Variants in PITPNA observed in about 807,000 individuals in gnomAD.
PITPNA encodes phosphatidylinositol transfer protein alpha isoform.
In PITPNA, 13 loss-of-function variants were observed where a neutral mutation model predicts 50.3. That is an observed-to-expected ratio of 0.26 (90% CI 0.17 to 0.41). PITPNA has a LOEUF of 0.41. Ranked by LOEUF, PITPNA falls within the 10% of genes least tolerant of loss-of-function variation. The pLI is 1.00. For missense variants in PITPNA, 207 were observed against 333.4 expected (o/e 0.62, Z 2.95); for synonymous variants, 120 against 119.6 (o/e 1.00, Z -0.02).
chr17:1,557,952 C>T (rs186330044), intron 2 of PITPNA, among the ~76,000 whole-genome samples: 2 of 152,280 alleles, frequency 1.3e-5, no homozygotes, highest in East Asian at 1.9e-4. Context: ...CGTCCCCGGC[C>T]GGGTGTGGGG....
intron 2 of PITPNA, among the ~76,000 whole-genome samples, chr17:1,554,738 C>T (rs895279957): frequency 7.2e-5 from 11 of 152,034 alleles, no homozygotes; most frequent in African/African-American, 2.2e-4. Flanking sequence ...AAGCAGAGGA[C>T]GAGGACAATT....
chr17:1,534,264 G>A, intron 9 of PITPNA, 43 bp from the exon 10 acceptor site: 1 of 1,611,568 alleles, frequency 6.2e-7, no homozygotes, highest in Non-Finnish European at 8.5e-7. Context: ...GAAGGCAAAG[G>A]CTGCTGCCAC....
At chr17:1,536,535 C>T (rs2075618368) in intron 7 of PITPNA, among the ~76,000 whole-genome samples, 2 of 151,990 alleles carry the variant, frequency 1.3e-5, no homozygotes, top group African/African-American at 2.4e-5. Flanking sequence ...GTGATCCGCC[C>T]ACCTTGGCCT....
rs1299899228 is a variant in PITPNA, at chr17:1,541,785, G to C, written c.298-145C>G. The stretch of plus-strand genomic sequence containing the variant: ...CTTGTAATAACAGTTAACTTGACTG[G>C]GAGCCCACGACACACTAGGCATGTA... On this transcript the variant is annotated intron_variant, in intron 5 of 11. Transcript: ENST00000313486. 4.2e-6 allele frequency: 3 copies of C among 714,586 alleles called. No homozygotes were observed. The Admixed American group carries it at 6.0e-5, about 14-fold the overall frequency. The allele number at this position is 714,586 out of a possible 1,614,324, so 44.3% of individuals were successfully genotyped here. A position where few individuals can be genotyped will look rare whatever the true frequency, so the allele number is the denominator to read the frequency against.
chr17:1,545,460 G>C (rs1013145260), intron 4 of PITPNA, among the ~76,000 whole-genome samples: 8 of 152,206 alleles, frequency 5.3e-5, no homozygotes, highest in Non-Finnish European at 8.8e-5. Context: ...AAGAGCAAGT[G>C]TCTAACTAAA....
At chr17:1,555,945 C>G (rs967613574) in intron 2 of PITPNA, among the ~76,000 whole-genome samples, 1 of 152,210 alleles carries the variant, frequency 6.6e-6, no homozygotes, top group Non-Finnish European at 1.5e-5. Context: ...TGCAGGCCAT[C>G]GGAATGATTA....
Position 1,562,431 on chromosome 17 carries a change from C to T in PITPNA, c.20+110G>A. On this transcript the variant is annotated intron_variant, in intron 1 of 11. Coordinates refer to ENST00000313486, the MANE Select transcript of PITPNA (RefSeq NM_006224.4). This position sits in a 1 kb window ranked among gnomAD's most constrained non-coding sequence, Gnocchi z 6.4. ...GGGCCCGCCTCAGGCACCCTCCGTC[C>T]CTGCTGCCCCTCCGTCCATCCGGGC... The T allele has an allele frequency of 3.3e-6, 3 of 899,646 alleles. No individual in the cohort carries two copies. Among genetic ancestry groups the T allele is most frequent in the South Asian group, 2.2e-5 (1 of 46,322 alleles). The allele number at this position is 899,646 out of a possible 1,614,324, so 55.7% of individuals were successfully genotyped here. A position where few individuals can be genotyped will look rare whatever the true frequency, so the allele number is the denominator to read the frequency against.
At chr17:1,529,736 T>C (rs937717578) in intron 10 of PITPNA, among the ~76,000 whole-genome samples, 1 of 151,682 alleles carries the variant, frequency 6.6e-6, no homozygotes. Context: ...GCACCTGTAG[T>C]CCCAGCTACT....
At chr17:1,539,319 T>G (rs759995302) in intron 6 of PITPNA, among the ~76,000 whole-genome samples, 53 of 151,642 alleles carry the variant, frequency 3.5e-4, no homozygotes, top group Non-Finnish European at 7.1e-4. Flanking sequence ...TAGGCCCGAG[T>G]GATCCTCCTG....
chr17:1,518,848 C>G lies in PITPNA; in HGVS notation c.*1713G>C, dbSNP rs933012091. On this transcript the variant is annotated 3_prime_UTR_variant, in exon 12 of 12. Coordinates refer to ENST00000313486, the MANE Select transcript of PITPNA (RefSeq NM_006224.4). ...ACATTTTTCTCCAGTAGGAATGCCT[C>G]TTCTCCAACTTTCCAAGTCAGATAA... 2.0e-5 allele frequency: 3 copies of G among 152,252 alleles called. No individual in the cohort carries two copies. The highest frequency in any genetic ancestry group is 7.2e-5 in the African/African-American group (3 of 41,466). The allele number at this position is 152,252 out of a possible 1,614,324, so 9.4% of individuals were successfully genotyped here. A position where few individuals can be genotyped will look rare whatever the true frequency, so the allele number is the denominator to read the frequency against.
chr17:1,526,412 C>T (rs896258419), intron 10 of PITPNA, among the ~76,000 whole-genome samples: 8 of 152,220 alleles, frequency 5.3e-5, no homozygotes, highest in African/African-American at 1.4e-4. Context: ...AAGGAATAGT[C>T]TCTGGGCAAA....
At chr17:1,546,031 G>A (rs1445362289) in intron 4 of PITPNA, among the ~76,000 whole-genome samples, 4 of 148,894 alleles carry the variant, frequency 2.7e-5, no homozygotes, top group Middle Eastern at 3.5e-3. Flanking sequence ...AGGTTCAAGC[G>A]ATTCTCCTGC....
Position 1,558,630 on chromosome 17 carries a change from C to G in PITPNA, c.21-71G>C. On this transcript the variant is annotated intron_variant, in intron 1 of 11. Transcript: ENST00000313486. ...TGCTCAAGGCTCTTTAAAGCATCAT[C>G]CTAAAACAGTCAGCAGCATTCTATT... 5 of 1,060,802 alleles carry G rather than the reference C, an allele frequency of 4.7e-6. No individual in the cohort carries two copies. In the South Asian group the frequency reaches 6.6e-5, roughly 14 times the overall value. 65.7% of individuals were successfully genotyped at this position (1,060,802 alleles called of 1,614,324 possible). A position where few individuals can be genotyped will look rare whatever the true frequency, so the allele number is the denominator to read the frequency against.
intron 10 of PITPNA, among the ~76,000 whole-genome samples, chr17:1,521,998 A>G (rs895791527): frequency 6.6e-6 from 1 of 150,832 alleles, no homozygotes; most frequent in Non-Finnish European, 1.5e-5. Context: ...TGCTGGGATT[A>G]CAGCATAGGT....
intron 10 of PITPNA, among the ~76,000 whole-genome samples, chr17:1,525,504 C>CTTTTTTTTT (rs11329480): frequency 9.8e-6 from 1 of 101,718 alleles, no homozygotes; most frequent in Non-Finnish European, 1.9e-5. Flanking sequence ...CACTGGGAAA[C>CTTTTTTTTT]TTTTTTTTTT....
At position 1,553,119 on chromosome 17, in the gene PITPNA, C is replaced by T. The variant is rs1280340396; in HGVS notation, c.82G>A (p.Glu28Lys). The change falls in exon 3 of 12, where the codon GAG becomes AAG. Residue 28 changes from glutamate (E) to lysine (K), a missense_variant. Physicochemically the swap from Glu to Lys is moderately conservative, Grantham distance 56 (BLOSUM62 1). Transcript: ENST00000313486. ...CCACCCGTTTCATTTTTACTGGCCT[C>T]AGCCACAGAATACAGCTGCCCCACT... ...YQVGQLYSVAEASKNETGGGE... is the reference protein window; with the variant it reads ...YQVGQLYSVAKASKNETGGGE... The T allele has an allele frequency of 1.2e-6, 2 of 1,613,838 alleles. No individual in the cohort carries two copies. The highest frequency in any genetic ancestry group is 1.7e-6 in the Non-Finnish European group (2 of 1,179,880).
chr17:1,527,379 G>C (rs1307603998), intron 10 of PITPNA, among the ~76,000 whole-genome samples: 1 of 152,164 alleles, frequency 6.6e-6, no homozygotes, highest in African/African-American at 2.4e-5. Context: ...GAGTAGCTGG[G>C]ATTGCAGGCG....
Position 1,534,178 on chromosome 17 carries a change from C to A in PITPNA, c.689G>T (p.Cys230Phe). 6.2e-7 allele frequency: 1 copy of A among 1,613,950 alleles called. No homozygotes were observed. The highest frequency in any genetic ancestry group is 8.5e-7 in the Non-Finnish European group (1 of 1,179,850). ...CAGGTCAACCCACTTATCGAGCCAA[C>A]AGAACAGCTGCCTGTGGAAGTTTGT... ...LFTNFHRQLF[C>F]WLDKWVDLTM... is the part of the protein sequence containing the mutation. The change falls in exon 10 of 12, where the codon TGT (cysteine) becomes TTT (phenylalanine). Residue 230 changes from cysteine (C) to phenylalanine (F), a missense_variant. Physicochemically the swap from Cys to Phe is radical, Grantham distance 205 (BLOSUM62 -2). Transcript: ENST00000313486.
Position 1,535,447 on chromosome 17 carries a change from A to G in PITPNA, c.528T>C (p.Asn176=). 6 of 1,612,300 alleles carry G rather than the reference A, an allele frequency of 3.7e-6. No homozygotes were observed. The highest frequency in any genetic ancestry group is 5.1e-6 in the Non-Finnish European group (6 of 1,178,428). The change falls in exon 8 of 12, where the codon AAT becomes AAC. Residue 176 remains asparagine (N), a synonymous_variant. Transcript: ENST00000313486. ...IKTGRGPLGP[N]WKQELVNQKD... ...GTGAAGGTGTGAATGGTACCTTCCA[A>G]TTGGGGCCCAAGGGTCCTCGGCCTG...
Sources: gnomAD v4.1 joint callset for allele counts (sites outside exome capture counted in the v4.1 genomes callset) on GRCh38, gnomAD v4.1.1 for gene constraint, Gnocchi (gnomAD v3.1) non-coding constraint, MANE v1.5 for transcripts, NCBI Gene and HGNC (gene_info 2026-07-23, HGNC 2026-07-21) for gene names.